Variants in NUP205 observed in about 807,000 individuals in gnomAD.
NUP205 encodes the protein nucleoporin 205.
Under a neutral mutation model 253.8 loss-of-function variants are expected in NUP205, and 76 were observed. The ratio of observed to expected loss-of-function variants is 0.30; its 90% CI spans 0.25 to 0.36. NUP205 has a LOEUF of 0.36. Ranked by LOEUF, NUP205 falls within the 10% of genes least tolerant of loss-of-function variation. NUP205 has a pLI of 1.00. For missense variants in NUP205, 2,162 were observed against 2,425.5 expected, an observed-to-expected ratio of 0.89 and a Z score of 2.28; for synonymous variants, 832 against 850.1, an observed-to-expected ratio of 0.98 and a Z score of 0.37.
At chr7:135,604,529 G>T in intron 19 of NUP205, 69 bp downstream of exon 19, 7 of 1,414,968 alleles carry the variant, frequency 4.9e-6, no homozygotes, top group Non-Finnish European at 6.8e-6. Context: ...GGAAGTTCTA[G>T]TGTCTATGGA....
Position 135,625,281 on chromosome 7 carries a change from G to A in NUP205, c.4597G>A (p.Asp1533Asn), listed in dbSNP as rs748007851. 1.2e-6 allele frequency: 2 copies of A among 1,614,006 alleles called. No homozygotes were observed. The highest frequency in any genetic ancestry group is 3.3e-5 in the Admixed American group (2 of 59,998). ...KVLVDSLVED[D>N]RTLQSLLTPQ... ...CCTCGTAGACAGCTTGGTAGAAGAT[G>A]ACCGTACTTTGCAGAGCTTACTCAC... Residue 1533 changes from aspartate to asparagine, a missense_variant, in exon 32 of 43, where the codon GAC (aspartate) becomes AAC (asparagine). Around this residue, in one of 5 missense-constraint regions of NUP205, gnomAD observed 1,144 missense variants for 1,280.9 expected, o/e 0.89. Transcript: ENST00000285968.
intron 42 of NUP205, among the ~76,000 whole-genome samples, chr7:135,646,992 T>A (rs556302931): frequency 6.6e-6 from 1 of 152,202 alleles, no homozygotes; most frequent in Non-Finnish European, 1.5e-5. Flanking sequence ...GGAAATAATT[T>A]AATGGTGAGA....
chr7:135,647,811 A>G (rs967934579), intron 42 of NUP205, among the ~76,000 whole-genome samples: 1 of 152,218 alleles, frequency 6.6e-6, no homozygotes, highest in African/African-American at 2.4e-5. Flanking sequence ...TTGATCTAAT[A>G]TTGTACTTAA....
chr7:135,629,933 T>C (rs750236424), intron 34 of NUP205, among the ~76,000 whole-genome samples: 1 of 152,232 alleles, frequency 6.6e-6, no homozygotes, highest in Non-Finnish European at 1.5e-5. Flanking sequence ...AACAGCTTCT[T>C]GAATTCACTA....
At chr7:135,595,161 T>A (rs143470582) in intron 13 of NUP205, among the ~76,000 whole-genome samples, 1 of 152,084 alleles carries the variant, frequency 6.6e-6, no homozygotes, top group Admixed American at 6.6e-5. Flanking sequence ...AGCTACATGG[T>A]CACTGGGGTT....
At chr7:135,590,561 G>A (rs185757403) in intron 10 of NUP205, among the ~76,000 whole-genome samples, 30 of 146,028 alleles carry the variant, frequency 2.1e-4, no homozygotes, top group African/African-American at 7.6e-4. Flanking sequence ...TTTTGGAGAC[G>A]GAGTCTCTGT....
intron 3 of NUP205, among the ~76,000 whole-genome samples, 164 bp downstream of exon 3, chr7:135,573,989 T>G (rs529800662): frequency 6.6e-6 from 1 of 152,338 alleles, no homozygotes; most frequent in East Asian, 1.9e-4. Flanking sequence ...TTGTTTTTTT[T>G]TGAGACAGAG....
In NUP205 at chr7:135,637,824, C is replaced by T. The variant is rs922290673; in HGVS notation, c.5137-107C>T. 25 of 1,042,840 alleles carry T rather than the reference C, an allele frequency of 2.4e-5. 1 individual carries two copies. The highest frequency in any genetic ancestry group is 8.1e-5 in the African/African-American group (5 of 61,416). The allele number at this position is 1,042,840 out of a possible 1,614,324, so 64.6% of individuals were successfully genotyped here. On this transcript the variant is annotated intron_variant, in intron 36 of 42. Transcript: ENST00000285968. ...CAGTTTTAAGTAAGATATTAGATGC[C>T]TTAAGGACTGATTCCATTCTCCACT...
chr7:135,633,325 A>G (rs1213230073), intron 35 of NUP205, among the ~76,000 whole-genome samples: 1 of 152,096 alleles, frequency 6.6e-6, no homozygotes, highest in Admixed American at 6.6e-5. Context: ...CAGTGGCATG[A>G]TCATAGCTGG....
At chr7:135,632,538 C>G (rs1181631755) in intron 35 of NUP205, among the ~76,000 whole-genome samples, 2 of 152,082 alleles carry the variant, frequency 1.3e-5, no homozygotes, top group African/African-American at 4.8e-5. Context: ...TTTGTCTGGG[C>G]TGTCTCGGTG....
chr7:135,564,699 T>G (rs1329578014), intron 1 of NUP205, among the ~76,000 whole-genome samples: 1 of 151,884 alleles, frequency 6.6e-6, no homozygotes, highest in Non-Finnish European at 1.5e-5. Context: ...GCCTGGCCCT[T>G]TGATGCTATG....
intron 10 of NUP205, among the ~76,000 whole-genome samples, chr7:135,589,904 T>TAAGA (rs1374538741): frequency 6.6e-6 from 1 of 150,948 alleles, no homozygotes. Flanking sequence ...GGTGACAGAG[T>TAAGA]AAGACCCTGT....
At chr7:135,560,157 C>T (rs560036967) in intron 1 of NUP205, among the ~76,000 whole-genome samples, 3 of 152,098 alleles carry the variant, frequency 2.0e-5, no homozygotes, top group Admixed American at 2.0e-4. Flanking sequence ...TGCGCCTGGC[C>T]AATTTTTTTT....
At chr7:135,567,120 C>CTATATATATATA (rs1805783506) in intron 1 of NUP205, among the ~76,000 whole-genome samples, 1 of 53,852 alleles carries the variant, frequency 1.9e-5, no homozygotes, top group Non-Finnish European at 3.5e-5. Context: ...CTTGCTCAGT[C>CTATATATATATA]TATGTGTGTA....
Position 135,567,120 on chromosome 7 carries a change from CTATGTGTGTATATATATATATATATA to C in NUP205, c.29-3981_29-3956del, listed in dbSNP as rs1301767783. Among the ~76,000 whole-genome samples, 274 of 53,848 alleles carry C rather than the reference CTATGTGTGTATATATATATATATATA, an allele frequency of 5.1e-3. 14 individuals are homozygous for C. Among genetic ancestry groups the C allele is most frequent in the South Asian group, 8.4e-3 (16 of 1,910 alleles). The allele number at this position is 53,848 out of a possible 152,430, so 35.3% of individuals were successfully genotyped here. ...TGGGATTCTGTCTGTCTTGCTCAGT[CTATGTGTGTATATATATATATATATA>C]TATATATATATATATATATATATAT... is the stretch of plus-strand genomic sequence containing the variant. On this transcript the variant is annotated intron_variant, in intron 1 of 42. Coordinates refer to ENST00000285968, the MANE Select transcript of NUP205 (RefSeq NM_015135.3).
chr7:135,571,938 C>A (rs1418964310), intron 2 of NUP205, among the ~76,000 whole-genome samples: 1 of 152,178 alleles, frequency 6.6e-6, no homozygotes, highest in East Asian at 1.9e-4. Flanking sequence ...CTGATTATAG[C>A]TCACTATAGC....
intron 22 of NUP205, chr7:135,613,936 G>A (rs1794297179): frequency 3.3e-6 from 1 of 306,532 alleles, no homozygotes. Flanking sequence ...GTGTAATAAT[G>A]TCACCAGCAC....
chr7:135,571,012 G>T, intron 1 of NUP205, 93 bp from the exon 2 acceptor site: 1 of 723,898 alleles, frequency 1.4e-6, no homozygotes, highest in South Asian at 3.0e-5. Flanking sequence ...AAAAGTAGCT[G>T]TGGGTGTAAC....
Position 135,619,573 on chromosome 7 carries a change from G to A in NUP205, c.4114G>A (p.Asp1372Asn). The change falls in exon 29 of 43, where the codon GAT (aspartate) becomes AAT (asparagine). Residue 1372 changes from aspartate (D) to asparagine (N), a missense_variant. This residue lies in a region of NUP205 where 1,144 missense variants were observed against 1,280.9 expected (regional missense o/e 0.89). Coordinates refer to ENST00000285968, the MANE Select transcript of NUP205 (RefSeq NM_015135.3). ...AGAGGCCCATTACGCTTTTATGCTT[G>A]ATAGTTGCTTCACCTCACCTCCTCC... ...PAEAHYAFMLDSCFTSPPPEE... is the reference protein window; with the variant it reads ...PAEAHYAFMLNSCFTSPPPEE... The A allele has an allele frequency of 6.2e-7, 1 of 1,614,140 alleles. No individual in the cohort carries two copies.
Sources: gnomAD v4.1 joint callset for allele counts (sites outside exome capture counted in the v4.1 genomes callset) on GRCh38, gnomAD v4.1.1 for gene constraint, gnomAD v4.1.1 regional missense constraint, MANE v1.5 for transcripts, NCBI Gene and HGNC (gene_info 2026-07-23, HGNC 2026-07-21) for gene names.